The following TFDP2 variants were observed in gnomAD, a reference collection of about 807,000 sequenced individuals.
TFDP2 encodes the protein transcription factor Dp-2 (E2F dimerization partner 2).
TFDP2 carries 17 observed loss-of-function variants against 59.3 expected under a neutral mutation model. The observed-to-expected ratio is 0.29, with a 90% CI of 0.20 to 0.43. The LOEUF (loss-of-function observed/expected upper bound fraction) is 0.43, where lower values mean the gene tolerates loss of function less well. TFDP2 is among the 20% of genes least tolerant of loss of function. TFDP2 has a pLI of 1.00. For missense variants in TFDP2, 391 were observed against 528.8 expected, an observed-to-expected ratio of 0.74 and a Z score of 2.56; for synonymous variants, 180 against 194.7, an observed-to-expected ratio of 0.92 and a Z score of 0.63.
At chr3:142,034,481 G>C (rs1278067933) in intron 3 of TFDP2, among the ~76,000 whole-genome samples, 1 of 152,014 alleles carries the variant, frequency 6.6e-6, no homozygotes, top group Non-Finnish European at 1.5e-5. Flanking sequence ...ACTAGAGAGA[G>C]AAAAATAAAC....
chr3:142,098,981 G>C (rs1052559689), intron 2 of TFDP2, among the ~76,000 whole-genome samples: 7 of 152,136 alleles, frequency 4.6e-5, no homozygotes, highest in African/African-American at 1.7e-4. Context: ...GCAACTATAA[G>C]AGACCTAATA....
At chr3:142,055,941 C>CTTTTTTTT (rs529693273) in intron 3 of TFDP2, among the ~76,000 whole-genome samples, 1 of 70,188 alleles carries the variant, frequency 1.4e-5, no homozygotes, top group South Asian at 8.0e-4. Context: ...TATTAAGTAC[C>CTTTTTTTT]TTTTTTTTTT....
intron 1 of TFDP2, among the ~76,000 whole-genome samples, chr3:142,116,684 T>A (rs1243604028): frequency 6.6e-6 from 1 of 152,222 alleles, no homozygotes; most frequent in African/African-American, 2.4e-5. Context: ...ACTATTATAG[T>A]TACACCTAGG....
At chr3:141,970,570 G>A (rs1451401908) in intron 8 of TFDP2, among the ~76,000 whole-genome samples, 1 of 152,242 alleles carries the variant, frequency 6.6e-6, no homozygotes, top group South Asian at 2.1e-4. Context: ...CGGAGGCATA[G>A]AGGGCTTAAG....
intron 11 of TFDP2, among the ~76,000 whole-genome samples, chr3:141,955,308 C>G (rs1936462356): frequency 6.6e-6 from 1 of 152,226 alleles, no homozygotes; most frequent in Non-Finnish European, 1.5e-5. Context: ...ACCAGAAAGT[C>G]TGTATCCCAG....
intron 3 of TFDP2, among the ~76,000 whole-genome samples, chr3:142,021,735 C>G (rs1228274974): frequency 6.6e-6 from 1 of 152,190 alleles, no homozygotes; most frequent in East Asian, 1.9e-4. Flanking sequence ...TAAACAGTAT[C>G]TCCTCATTGC....
rs1553761666 is a variant in TFDP2 at position 141,973,093 on chromosome 3, G to GTATATATATATATA, written c.663+941_663+954dup. ...TCTTAATTATCTCCCAAAGCTATGT[G>GTATATATATATATA]TATATATATATATATATATATATAT... On this transcript the variant is annotated intron_variant, in intron 8 of 12. Coordinates refer to ENST00000489671, the MANE Select transcript of TFDP2 (RefSeq NM_001178139.2). Among the ~76,000 whole-genome samples the GTATATATATATATA allele has an allele frequency of 4.4e-4, 45 of 103,150 alleles. 1 individual carries two copies. Among genetic ancestry groups the GTATATATATATATA allele is most frequent in the African/African-American group, 1.0e-3 (28 of 27,618 alleles). 67.7% of individuals were successfully genotyped at this position (103,150 alleles called of 152,430 possible).
In TFDP2 at chr3:142,112,307, T is replaced by C. The variant is rs116000492; in HGVS notation, c.-92-10466A>G. Among the ~76,000 whole-genome samples, 1,019 of 152,302 alleles carry C rather than the reference T, an allele frequency of 6.7e-3. 7 individuals carry two copies. The highest frequency in any genetic ancestry group is 0.011 in the Non-Finnish European group (756 of 68,022). ...TATTCACTATCTATTTATCTAGCAG[T>C]CAAACCACCTTAAACCTCTGTAACA... is the stretch of plus-strand genomic sequence containing the variant. On this transcript the variant is annotated intron_variant, in intron 1 of 12. Transcript: ENST00000489671.
At chr3:142,096,177 T>C (rs556009495) in intron 2 of TFDP2, among the ~76,000 whole-genome samples, 5 of 152,346 alleles carry the variant, frequency 3.3e-5, no homozygotes, top group African/African-American at 1.2e-4. Flanking sequence ...CCATACTGCA[T>C]GCTAATCTTA....
At chr3:142,011,994 C>CTTTT (rs1265587306) in intron 3 of TFDP2, among the ~76,000 whole-genome samples, 3 of 150,660 alleles carry the variant, frequency 2.0e-5, no homozygotes, top group Non-Finnish European at 1.5e-5. Context: ...TAATTCTACA[C>CTTTT]TTTTTTTTCT....
intron 1 of TFDP2, among the ~76,000 whole-genome samples, chr3:142,103,710 T>G (rs913555926): frequency 6.6e-6 from 1 of 152,140 alleles, no homozygotes; most frequent in African/African-American, 2.4e-5. Flanking sequence ...TTTTCTCTTA[T>G]TTTAAAATTA....
At chr3:142,011,445 T>G (rs113109827) in intron 3 of TFDP2, among the ~76,000 whole-genome samples, 4 of 67,510 alleles carry the variant, frequency 5.9e-5, no homozygotes, top group Admixed American at 3.6e-4. Context: ...TGTGGTGGGG[T>G]GGGGGGAGGG....
At chr3:142,061,564 A>AC (rs935699806) in intron 3 of TFDP2, among the ~76,000 whole-genome samples, 19 of 152,160 alleles carry the variant, frequency 1.2e-4, no homozygotes, top group African/African-American at 4.3e-4. Context: ...CCCAAAGAGA[A>AC]CAAAAAGGCA....
At chr3:142,050,589 G>A (rs1208017394) in intron 3 of TFDP2, among the ~76,000 whole-genome samples, 2 of 152,052 alleles carry the variant, frequency 1.3e-5, no homozygotes, top group Non-Finnish European at 2.9e-5. Context: ...CCAGCTACTC[G>A]GGAGGCTGAG....
chr3:142,138,599 T>C (rs925952676), intron 1 of TFDP2, among the ~76,000 whole-genome samples: 3 of 152,230 alleles, frequency 2.0e-5, no homozygotes, highest in African/African-American at 7.2e-5. Flanking sequence ...AAAGAACATC[T>C]TTATTTCTGC....
At chr3:142,125,723 T>A (rs567687549) in intron 1 of TFDP2, among the ~76,000 whole-genome samples, 1 of 152,186 alleles carries the variant, frequency 6.6e-6, no homozygotes, top group African/African-American at 2.4e-5. Flanking sequence ...TACATTACCA[T>A]CTGTATAAAA....
intron 6 of TFDP2, among the ~76,000 whole-genome samples, chr3:141,991,532 G>T (rs1332513975): frequency 6.6e-6 from 1 of 152,230 alleles, no homozygotes; most frequent in Admixed American, 6.5e-5. Flanking sequence ...GCCAAGGTGG[G>T]TGGATCACTT....
intron 11 of TFDP2, among the ~76,000 whole-genome samples, chr3:141,955,999 G>A (rs567841733): frequency 4.6e-5 from 7 of 152,224 alleles, no homozygotes; most frequent in African/African-American, 1.7e-4. Context: ...GTAGAGATGG[G>A]GTTTTGCCAT....
At chr3:142,022,474 A>T (rs755631546) in intron 3 of TFDP2, among the ~76,000 whole-genome samples, 39 of 152,116 alleles carry the variant, frequency 2.6e-4, no homozygotes, top group South Asian at 8.3e-4. Context: ...TTCAATCACC[A>T]CTGTTAGCAC....
Sources: gnomAD v4.1 joint callset for allele counts (sites outside exome capture counted in the v4.1 genomes callset) on GRCh38, gnomAD v4.1.1 for gene constraint, MANE v1.5 for transcripts, NCBI Gene and HGNC (gene_info 2026-07-23, HGNC 2026-07-21) for gene names.